TRIM21: variants seen among roughly 807,000 people sequenced by gnomAD.
TRIM21 encodes tripartite motif containing 21.
Under a neutral mutation model 36.1 loss-of-function variants are expected in TRIM21, and 35 were observed. That is an observed-to-expected ratio of 0.97 (90% confidence interval 0.74 to 1.28). The LOEUF (loss-of-function observed/expected upper bound fraction) is 1.28, where lower values mean the gene tolerates loss of function less well. TRIM21 is among the 50% of genes most tolerant of loss of function. The probability of loss-of-function intolerance (pLI) is 0.00; values close to 1 mark genes in which losing one functional copy is unlikely to be tolerated. For missense variants in TRIM21, 635 were observed against 570.7 expected (o/e 1.11, Z -1.15); for synonymous variants, 256 against 211.5 (o/e 1.21, Z -1.83).
Position 4,388,388 on chromosome 11 carries a change from G to A in TRIM21, c.647C>T (p.Ala216Val). ...EQLRILGEKE[A>V]KLAQQSQALQ... ...GGCCTGGCTCTGCTGGGCCAGCTTG[G>A]CCTCTTTCTCCCCCAGGATTCTCAG... The change falls in exon 4 of 7, where the codon GCC (alanine) becomes GTC (valine). Residue 216 changes from alanine (A) to valine (V), a missense_variant. Coordinates refer to ENST00000254436, the MANE Select transcript of TRIM21 (RefSeq NM_003141.4). The A allele has an allele frequency of 6.2e-7, 1 of 1,613,930 alleles. No individual in the cohort carries two copies.
chr11:4,385,570 C>A lies in TRIM21; in HGVS notation c.1143G>T (p.Trp381Cys). The change falls in exon 7 of 7, where the codon TGG becomes TGT. Residue 381 changes from tryptophan (W) to cysteine (C), a missense_variant. Transcript: ENST00000254436. Reference protein sequence around the residue: ...LSSKSGFWTIWLWNKQKYEAG... With the variant: ...LSSKSGFWTICLWNKQKYEAG... ...CCTCATATTTTTGTTTGTTCCACAA[C>A]CAAATTGTCCAGAAGCCACTCTTGG... The A allele has an allele frequency of 6.2e-7, 1 of 1,612,702 alleles. No individual in the cohort carries two copies. The highest frequency in any genetic ancestry group is 8.5e-7 in the Non-Finnish European group (1 of 1,179,414).
chr11:4,391,766 C>G (rs1317588055), intron 1 of TRIM21, among the ~76,000 whole-genome samples: 1 of 152,202 alleles, frequency 6.6e-6, no homozygotes, highest in African/African-American at 2.4e-5. Context: ...GAGATCCTGT[C>G]ATTCACAACA....
intron 1 of TRIM21, among the ~76,000 whole-genome samples, chr11:4,390,787 A>G (rs1043771457): frequency 1.3e-5 from 2 of 152,212 alleles, no homozygotes; most frequent in African/African-American, 4.8e-5. Context: ...CACAGTGAGC[A>G]CATTTTCAAC....
intron 3 of TRIM21, 80 bp downstream of exon 3, chr11:4,389,574 A>G (rs2094960223): frequency 8.4e-7 from 1 of 1,190,396 alleles, no homozygotes; most frequent in Admixed American, 1.7e-5. Context: ...AGGCACAGCT[A>G]CGGTTAAGGC....
intron 3 of TRIM21, 143 bp from the exon 4 acceptor site, chr11:4,388,673 G>A (rs568133060): frequency 7.6e-5 from 57 of 750,038 alleles, no homozygotes; most frequent in East Asian, 1.2e-4. Context: ...ACACGCACAC[G>A]CGCGCACACA....
At chr11:4,393,351 C>T (rs2094965387) in intron 1 of TRIM21, among the ~76,000 whole-genome samples, 1 of 152,030 alleles carries the variant, frequency 6.6e-6, no homozygotes, top group African/African-American at 2.4e-5. Flanking sequence ...CTGGGTAACT[C>T]CACAGTCACG....
rs1363097839 is a variant in TRIM21, at chr11:4,386,978, C to T, written c.748G>A (p.Val250Ile). ...AAAACTCCTCCTTACCTTTCCAGGA[C>T]AATTATCACCTCCTGAGGAGAAAAG... ...ALELLQEVII[V>I]LERSESWNLK... is the part of the protein sequence containing the mutation. Residue 250 changes from valine to isoleucine, a missense_variant, in exon 5 of 7, where the codon GTC (valine) becomes ATC (isoleucine). Val to Ile is a conservative substitution (Grantham distance 29). Coordinates refer to ENST00000254436, the MANE Select transcript of TRIM21 (RefSeq NM_003141.4). The T allele has an allele frequency of 6.3e-7, 1 of 1,582,910 alleles. No individual in the cohort carries two copies. The highest frequency in any genetic ancestry group is 1.7e-4 in the Middle Eastern group (1 of 6,024).
intron 3 of TRIM21, 21 bp downstream of exon 3, chr11:4,389,630 TCTC>T (rs1179659467): frequency 6.2e-7 from 1 of 1,603,024 alleles, no homozygotes; most frequent in African/African-American, 1.3e-5. Flanking sequence ...CAGCCTAAGA[TCTC>T]CTTCAGGATG....
chr11:4,392,932 T>G (rs928913), intron 1 of TRIM21, among the ~76,000 whole-genome samples: 67,900 of 151,970 alleles, frequency 0.45, 15,877 homozygotes, highest in East Asian at 0.58. Context: ...CCAGAGATAC[T>G]TCATGCTTTG....
At chr11:4,392,911 C>A (rs916346379) in intron 1 of TRIM21, among the ~76,000 whole-genome samples, 1 of 152,140 alleles carries the variant, frequency 6.6e-6, no homozygotes, top group South Asian at 2.1e-4. Flanking sequence ...TTACCATGTA[C>A]CTTCCATGTG....
intron 1 of TRIM21, among the ~76,000 whole-genome samples, chr11:4,391,064 T>G (rs2133053953): frequency 6.6e-6 from 1 of 152,208 alleles, no homozygotes; most frequent in African/African-American, 2.4e-5. Context: ...CAAAGCAAAC[T>G]TGGACAAATG....
chr11:4,392,694 ACTC>A (rs1425127785), intron 1 of TRIM21, among the ~76,000 whole-genome samples: 2 of 152,088 alleles, frequency 1.3e-5, no homozygotes, highest in Non-Finnish European at 2.9e-5. Flanking sequence ...AATAACAAGA[ACTC>A]CTCCATTGTT....
At chr11:4,388,625 C>T (rs1192955896) in intron 3 of TRIM21, 95 bp from the exon 4 acceptor site, 1 of 1,202,156 alleles carries the variant, frequency 8.3e-7, no homozygotes. Flanking sequence ...CCCCAAGAGA[C>T]TCCACTCTGT....
chr11:4,385,147 C>G lies in TRIM21; in HGVS notation c.*138G>C. The G allele has an allele frequency of 1.3e-6, 1 of 785,496 alleles. No homozygotes were observed. The highest frequency in any genetic ancestry group is 2.0e-6 in the Non-Finnish European group (1 of 506,694). The allele number at this position is 785,496 out of a possible 1,614,324, so 48.7% of individuals were successfully genotyped here. On this transcript the variant is annotated 3_prime_UTR_variant, in exon 7 of 7. Transcript: ENST00000254436. ...AGGAATGTTGATGGTGAAGTGACTT[C>G]CCTGCTAAAGCTCGCTTGCTGGGAT...
At chr11:4,386,512 C>T (rs1460989811) in intron 5 of TRIM21, among the ~76,000 whole-genome samples, 1 of 152,156 alleles carries the variant, frequency 6.6e-6, no homozygotes, top group Non-Finnish European at 1.5e-5. Context: ...GGTCACCTGG[C>T]AAATGCATTC....
intron 2 of TRIM21, 108 bp downstream of exon 2, chr11:4,389,894 G>T: frequency 6.7e-7 from 1 of 1,499,040 alleles, no homozygotes; most frequent in Non-Finnish European, 9.2e-7. Context: ...CATTAGACAT[G>T]GAGAGAGGTA....
At chr11:4,386,516 TGCATTCAATTTCATTTTATAG>T (rs1263603501) in intron 5 of TRIM21, among the ~76,000 whole-genome samples, 3 of 152,184 alleles carry the variant, frequency 2.0e-5, no homozygotes, top group African/African-American at 7.2e-5. Flanking sequence ...ACCTGGCAAA[TGCATTCAATTTCATTTTATAG>T]GCAAGCAATC....
intron 1 of TRIM21, among the ~76,000 whole-genome samples, chr11:4,392,342 G>C (rs2094963956): frequency 1.3e-5 from 2 of 152,186 alleles, no homozygotes; most frequent in African/African-American, 4.8e-5. Flanking sequence ...CGAGGTGGGT[G>C]GATCACCTTA....
chr11:4,388,638 T>A, intron 3 of TRIM21, 108 bp from the exon 4 acceptor site: 3 of 1,072,398 alleles, frequency 2.8e-6, no homozygotes, highest in Non-Finnish European at 4.1e-6. Context: ...CACTCTGTGC[T>A]GTCTGGGAAA....
Sources: gnomAD v4.1 joint callset for allele counts (sites outside exome capture counted in the v4.1 genomes callset) on GRCh38, gnomAD v4.1.1 for gene constraint, MANE v1.5 for transcripts, NCBI Gene and HGNC (gene_info 2026-07-23, HGNC 2026-07-21) for gene names.